Variants in NFYC observed in about 807,000 individuals in gnomAD.
NFYC encodes the protein CAAT box DNA-binding protein subunit C.
NFYC carries 25 observed loss-of-function variants against 53.1 expected under a neutral mutation model. That is an observed-to-expected ratio of 0.47 (90% CI 0.34 to 0.66). NFYC has a LOEUF of 0.66. Ranked by LOEUF, NFYC falls within the 30% of genes least tolerant of loss-of-function variation. NFYC has a pLI of 0.01. For synonymous variants in NFYC, 145 were observed against 152.6 expected (o/e 0.95, Z 0.37); for missense variants, 260 against 422.7 (o/e 0.62, Z 3.38).
chr1:40,723,214 A>T (rs952117466), intron 1 of NFYC: 2 of 152,242 alleles, frequency 1.3e-5, no homozygotes, highest in African/African-American at 4.8e-5. Context: ...CTAGACACAC[A>T]AACACAGGAT....
chr1:40,771,458 CTT>C lies in NFYC; in HGVS notation c.*633_*634del, dbSNP rs1256402150. On this transcript the variant is annotated 3_prime_UTR_variant, in exon 10 of 10. Transcript: ENST00000447388. ...GAGTGGGTGGATTCATTGCCACACT[CTT>C]TTCTCCCAGGGACCCAGGAAACTAG... 2 of 470,514 alleles carry C rather than the reference CTT, an allele frequency of 4.3e-6. No homozygotes were observed. Among genetic ancestry groups the C allele is most frequent in the Non-Finnish European group, 8.8e-6 (2 of 226,800 alleles). The allele number at this position is 470,514 out of a possible 1,614,324, so 29.1% of individuals were successfully genotyped here. A position where few individuals can be genotyped will look rare whatever the true frequency, so the allele number is the denominator to read the frequency against.
intron 1 of NFYC, chr1:40,735,365 A>G (rs985392430): frequency 6.5e-6 from 1 of 153,280 alleles, no homozygotes; most frequent in East Asian, 1.9e-4. Flanking sequence ...TTTTGTACCT[A>G]ACTTCCACTA....
chr1:40,754,559 C>T, intron 5 of NFYC: 2 of 393,142 alleles, frequency 5.1e-6, no homozygotes, highest in Non-Finnish European at 1.0e-5. Flanking sequence ...AACAAGAACT[C>T]AGGCCATTTA....
At chr1:40,707,651 A>G (rs1307472270) in intron 1 of NFYC, among the ~76,000 whole-genome samples, 1 of 151,546 alleles carries the variant, frequency 6.6e-6, no homozygotes, top group Non-Finnish European at 1.5e-5. Context: ...CAATTTAAAA[A>G]AAGAAAAAAA....
At chr1:40,768,792 T>G (rs3754178) in intron 8 of NFYC, 10,716 of 153,574 alleles carry the variant, frequency 0.07, 685 homozygotes, top group African/African-American at 0.17. Context: ...CCCAGAGGGC[T>G]GCACAGTGCC....
intron 1 of NFYC, among the ~76,000 whole-genome samples, chr1:40,734,290 A>T (rs1464626518): frequency 1.3e-5 from 2 of 152,180 alleles, no homozygotes; most frequent in African/African-American, 4.8e-5. Context: ...TAGCAAAATC[A>T]ATTTATTTGC....
rs929529831 is a variant in NFYC, at chr1:40,738,925, G to A, written c.82G>A (p.Glu28Lys). 4 of 1,613,780 alleles carry A rather than the reference G, an allele frequency of 2.5e-6. No homozygotes were observed. The highest frequency in any genetic ancestry group is 3.4e-6 in the Non-Finnish European group (4 of 1,179,638). ...SLQSFWPRVM[E>K]EIRNLTVKDF... is the part of the protein sequence containing the mutation. ...ACAGTCGTTCTGGCCTCGGGTCATGGAAGAAATCCGGAATTTAACAGTGGT... is the reference window on the plus strand; with the variant it reads ...ACAGTCGTTCTGGCCTCGGGTCATGAAAGAAATCCGGAATTTAACAGTGGT... Residue 28 changes from glutamate (E) to lysine (K), a missense_variant, in exon 2 of 10, where the codon GAA (glutamate) becomes AAA (lysine). Coordinates refer to ENST00000447388, the MANE Select transcript of NFYC (RefSeq NM_014223.5).
chr1:40,724,506 T>A (rs909427253), intron 1 of NFYC, among the ~76,000 whole-genome samples: 1 of 152,222 alleles, frequency 6.6e-6, no homozygotes, highest in African/African-American at 2.4e-5. Flanking sequence ...ACTAAATACT[T>A]GATCCTTTTT....
chr1:40,748,335 C>T (rs1161515707), intron 3 of NFYC, among the ~76,000 whole-genome samples: 2 of 151,888 alleles, frequency 1.3e-5, no homozygotes, highest in South Asian at 2.1e-4. Context: ...GACAGGATCT[C>T]ACCATGTTGT....
At chr1:40,721,893 G>A (rs879917396) in intron 1 of NFYC, among the ~76,000 whole-genome samples, 7 of 152,050 alleles carry the variant, frequency 4.6e-5, no homozygotes, top group Non-Finnish European at 8.8e-5. Flanking sequence ...ATTGAAGGCC[G>A]GGCGCGGTGG....
chr1:40,738,619 T>G (rs1645178143), intron 1 of NFYC, among the ~76,000 whole-genome samples: 1 of 152,232 alleles, frequency 6.6e-6, no homozygotes, highest in African/African-American at 2.4e-5. Context: ...TCTTCAGTAG[T>G]CTCTATGGTA....
At chr1:40,696,852 T>C (rs1367711707) in intron 1 of NFYC, among the ~76,000 whole-genome samples, 1 of 152,254 alleles carries the variant, frequency 6.6e-6, no homozygotes, top group African/African-American at 2.4e-5. Context: ...TTTTGTTTAT[T>C]CAGTTTTTCA....
At chr1:40,696,460 G>A (rs993869826) in intron 1 of NFYC, among the ~76,000 whole-genome samples, 2 of 152,194 alleles carry the variant, frequency 1.3e-5, no homozygotes, top group Admixed American at 6.6e-5. Context: ...TCTTTCAGGC[G>A]TGTCCTTTGT....
At chr1:40,766,827 A>T (rs1205853604) in intron 8 of NFYC, 124 bp downstream of exon 8, 12 of 1,485,132 alleles carry the variant, frequency 8.1e-6, no homozygotes, top group African/African-American at 1.4e-5. Flanking sequence ...CACCACCCCC[A>T]CACCCTCCAT....
intron 6 of NFYC, among the ~76,000 whole-genome samples, chr1:40,761,011 T>C (rs1161160732): frequency 6.6e-6 from 1 of 152,214 alleles, no homozygotes; most frequent in Admixed American, 6.5e-5. Flanking sequence ...AGGCTCTGAT[T>C]GGCTGATCAT....
intron 1 of NFYC, among the ~76,000 whole-genome samples, chr1:40,713,266 A>G (rs922324801): frequency 6.6e-6 from 1 of 152,214 alleles, no homozygotes; most frequent in Non-Finnish European, 1.5e-5. Context: ...CCTCTCAGGC[A>G]TGGTCAGTCA....
intron 1 of NFYC, among the ~76,000 whole-genome samples, chr1:40,722,826 A>C (rs1338315624): frequency 6.6e-6 from 1 of 152,180 alleles, no homozygotes; most frequent in South Asian, 2.1e-4. Context: ...TAGTGCCCCC[A>C]ACTGTTCGCA....
chr1:40,731,813 AATGT>A (rs1644788695), intron 1 of NFYC, among the ~76,000 whole-genome samples: 1 of 152,120 alleles, frequency 6.6e-6, no homozygotes, highest in Admixed American at 6.5e-5. Context: ...ATCTTTCTTC[AATGT>A]ATGTATAGTT....
chr1:40,716,387 C>T (rs1191982559), intron 1 of NFYC, among the ~76,000 whole-genome samples: 3 of 152,134 alleles, frequency 2.0e-5, no homozygotes, highest in African/African-American at 7.2e-5. Flanking sequence ...AAAAGTACAT[C>T]TTGGGTTAAG....
Sources: gnomAD v4.1 joint callset for allele counts (sites outside exome capture counted in the v4.1 genomes callset) on GRCh38, gnomAD v4.1.1 for gene constraint, MANE v1.5 for transcripts, NCBI Gene and HGNC (gene_info 2026-07-23, HGNC 2026-07-21) for gene names.